The following PARD3B variants were observed in gnomAD, a reference collection of about 807,000 sequenced individuals.
PARD3B encodes par-3 family cell polarity regulator beta.
PARD3B carries 103 observed loss-of-function variants against 130.2 expected under a neutral mutation model. The observed-to-expected ratio is 0.79, with a 90% CI of 0.67 to 0.93. The LOEUF (loss-of-function observed/expected upper bound fraction) is 0.93, where lower values mean the gene tolerates loss of function less well. PARD3B is among the 40% of genes least tolerant of loss of function. The probability of loss-of-function intolerance (pLI) is 0.00; values close to 1 mark genes in which losing one functional copy is unlikely to be tolerated. For synonymous variants in PARD3B, 583 were observed against 553.2 expected (o/e 1.05, Z -0.76); for missense variants, 1,609 against 1,499.2 (o/e 1.07, Z -1.21).
rs1272786171 is a variant in PARD3B, at chr2:205,325,356, CT to C, written c.2630+23656del. ...CAATGCCTTGGGCTTTTCATATTCC[CT>C]GTGACTACAATGCCCTTTCCCCATC... On this transcript the variant is annotated intron_variant, in intron 18 of 22. Coordinates refer to ENST00000406610, the MANE Select transcript of PARD3B (RefSeq NM_001302769.2). This position sits in a 1 kb window ranked among gnomAD's most constrained non-coding sequence, Gnocchi z 4.1. 6.6e-6 allele frequency among the ~76,000 whole-genome samples: 1 copy of C among 152,162 alleles called. No homozygotes were observed. Among genetic ancestry groups the C allele is most frequent in the East Asian group, 1.9e-4 (1 of 5,198 alleles).
At chr2:204,790,052 A>G (rs1010696810) in intron 2 of PARD3B, among the ~76,000 whole-genome samples, 1 of 151,932 alleles carries the variant, frequency 6.6e-6, no homozygotes, top group Non-Finnish European at 1.5e-5. Flanking sequence ...TTGTATTTTT[A>G]GTAGAGACAG....
chr2:204,818,107 C>T (rs1003324256), intron 2 of PARD3B, among the ~76,000 whole-genome samples: 1 of 152,100 alleles, frequency 6.6e-6, no homozygotes, highest in Non-Finnish European at 1.5e-5. Context: ...ATAGTTCCAC[C>T]AGACAGACAG....
At chr2:204,834,961 G>C (rs1011458594) in intron 2 of PARD3B, among the ~76,000 whole-genome samples, 1 of 152,208 alleles carries the variant, frequency 6.6e-6, no homozygotes, top group Non-Finnish European at 1.5e-5. Context: ...CTGGATTTGA[G>C]TCCTAGTGTC....
intron 18 of PARD3B, among the ~76,000 whole-genome samples, chr2:205,322,568 G>A (rs991023951): frequency 9.9e-5 from 15 of 152,170 alleles, no homozygotes; most frequent in African/African-American, 3.6e-4. Context: ...TCAATGTGAT[G>A]ATAACAACAC....
At chr2:204,568,013 A>G (rs974665751) in intron 1 of PARD3B, among the ~76,000 whole-genome samples, 1 of 152,236 alleles carries the variant, frequency 6.6e-6, no homozygotes, top group Non-Finnish European at 1.5e-5. Context: ...TCATACAACT[A>G]AAATATTTAG....
intron 21 of PARD3B, among the ~76,000 whole-genome samples, chr2:205,542,086 T>C (rs1427874579): frequency 1.6e-5 from 2 of 125,094 alleles, no homozygotes; most frequent in African/African-American, 3.2e-5. Context: ...GAGGTTGCAG[T>C]AAGCTGAGAT....
rs1005342728 is a variant in PARD3B at position 205,187,261 on chromosome 2, A to G, written c.2024+1398A>G. 6.6e-6 allele frequency among the ~76,000 whole-genome samples: 1 copy of G among 152,214 alleles called. No individual in the cohort carries two copies. The highest frequency in any genetic ancestry group is 1.5e-5 in the Non-Finnish European group (1 of 68,030). Reference sequence around the variant, plus strand: ...CATTTCGGGAGGGAAGAGCAGCAGAAGAAACAGCATAGAGACGGGAGAGTA... The same window carrying G: ...CATTTCGGGAGGGAAGAGCAGCAGAGGAAACAGCATAGAGACGGGAGAGTA... On this transcript the variant is annotated intron_variant, in intron 14 of 22. Transcript: ENST00000406610. This position sits in a 1 kb window ranked among gnomAD's most constrained non-coding sequence, Gnocchi z 4.9.
In PARD3B at chr2:204,943,013, TCCCC is replaced by T. The variant is rs1689032171; in HGVS notation, c.223-22137_223-22134del. Among the ~76,000 whole-genome samples the T allele has an allele frequency of 6.6e-6, 1 of 151,018 alleles. No individual in the cohort carries two copies. The highest frequency in any genetic ancestry group is 1.5e-5 in the Non-Finnish European group (1 of 67,958). On this transcript the variant is annotated intron_variant, in intron 2 of 22. Transcript: ENST00000406610. This position sits in a 1 kb window ranked among gnomAD's most constrained non-coding sequence, Gnocchi z 4.2. ...TACCTCCAGAACCAGGCTGCACATG[TCCCC>T]CTGAAAAATAAAAATTAAAAAAGAA...
At chr2:205,278,969 GC>G (rs533417407) in intron 16 of PARD3B, among the ~76,000 whole-genome samples, 15 of 148,372 alleles carry the variant, frequency 1.0e-4, no homozygotes, top group African/African-American at 2.7e-4. Context: ...TACTCGGGAG[GC>G]TGAGGCGAAA....
Position 204,943,316 on chromosome 2 carries a change from A to C in PARD3B, c.223-21836A>C, listed in dbSNP as rs551639424. On this transcript the variant is annotated intron_variant, in intron 2 of 22. Coordinates refer to ENST00000406610, the MANE Select transcript of PARD3B (RefSeq NM_001302769.2). The surrounding 1 kb of genome is among the most constrained non-coding windows in gnomAD (Gnocchi z 4.2). ...TGGAAAGATCGCATAGGTCACGAGG[A>C]TCTTCCTATGACCTATGATGAGAAA... Among the ~76,000 whole-genome samples, 13 of 152,190 alleles carry C rather than the reference A, an allele frequency of 8.5e-5. No individual in the cohort carries two copies. The South Asian group carries it at 2.7e-3, about 32-fold the overall frequency.
chr2:204,594,357 C>G (rs2033199059), intron 1 of PARD3B, among the ~76,000 whole-genome samples: 1 of 152,132 alleles, frequency 6.6e-6, no homozygotes, highest in Non-Finnish European at 1.5e-5. Flanking sequence ...TACTTTCTCA[C>G]AATAATAGCA....
In PARD3B at chr2:204,954,573, A is replaced by G. The variant is rs184785275; in HGVS notation, c.223-10579A>G. Among the ~76,000 whole-genome samples, 3 of 152,300 alleles carry G rather than the reference A, an allele frequency of 2.0e-5. No individual in the cohort carries two copies. The East Asian group carries it at 5.8e-4, about 29-fold the overall frequency. ...TTTTCAGGGGATTGTGACCTTCTCC[A>G]TATTTGCAGTCCACTCGCTACCTTA... On this transcript the variant is annotated intron_variant, in intron 2 of 22. Transcript: ENST00000406610.
In PARD3B at chr2:205,121,653, C is replaced by T; in HGVS notation, c.869C>T (p.Pro290Leu). ...AGTGTGCTCCTCCACGTGCTTCCTC[C>T]ACAAAACCGTGAACAGTATGAAAAG... Reference protein sequence around the residue: ...SPSVLLHVLPPQNREQYEKSV... With the variant: ...SPSVLLHVLPLQNREQYEKSV... Residue 290 changes from proline to leucine, a missense_variant, in exon 8 of 23, where the codon CCA becomes CTA. Transcript: ENST00000406610. This position sits in a 1 kb window ranked among gnomAD's most constrained non-coding sequence, Gnocchi z 5.0. The T allele has an allele frequency of 6.2e-7, 1 of 1,614,160 alleles. No homozygotes were observed. The highest frequency in any genetic ancestry group is 2.2e-5 in the East Asian group (1 of 44,876).
intron 1 of PARD3B, among the ~76,000 whole-genome samples, chr2:204,656,231 G>T (rs1053938332): frequency 1.3e-4 from 20 of 152,142 alleles, no homozygotes; most frequent in African/African-American, 4.8e-4. Context: ...TAGATACATG[G>T]TGGGAAATAA....
rs551808071 is a variant in PARD3B at position 204,906,754 on chromosome 2, G to A, written c.223-58398G>A. On this transcript the variant is annotated intron_variant, in intron 2 of 22. Coordinates refer to ENST00000406610, the MANE Select transcript of PARD3B (RefSeq NM_001302769.2). The surrounding 1 kb of genome is among the most constrained non-coding windows in gnomAD (Gnocchi z 4.3). ...ACTTTCTTTGTAATGTGGTCACCAG[G>A]TTGTGTTTTTTTCAGGCTTAATTTT... Among the ~76,000 whole-genome samples the A allele has an allele frequency of 2.0e-5, 3 of 152,112 alleles. No individual in the cohort carries two copies. The highest frequency in any genetic ancestry group is 7.2e-5 in the African/African-American group (3 of 41,414).
chr2:204,780,972 A>G (rs891521635), intron 2 of PARD3B, among the ~76,000 whole-genome samples: 2 of 152,138 alleles, frequency 1.3e-5, no homozygotes, highest in Non-Finnish European at 2.9e-5. Flanking sequence ...TGGAAAATGG[A>G]AATCTGTCAT....
intron 20 of PARD3B, among the ~76,000 whole-genome samples, chr2:205,475,177 A>C (rs2048983798): frequency 6.6e-6 from 1 of 152,114 alleles, no homozygotes; most frequent in Non-Finnish European, 1.5e-5. Flanking sequence ...CTAATAGAAT[A>C]GCGTCCCTTT....
chr2:205,246,979 C>T (rs149799750), intron 16 of PARD3B, among the ~76,000 whole-genome samples: 1 of 152,310 alleles, frequency 6.6e-6, no homozygotes, highest in African/African-American at 2.4e-5. Context: ...TTTTTAGGAG[C>T]TTCAGAAGGA....
Position 204,610,724 on chromosome 2 carries a change from T to G in PARD3B, c.120+64605T>G, listed in dbSNP as rs182678988. ...TCAGGACAGGTGCCTCTTCTCTCTCTAGATAGAAGGAGAAACATCATCTCC... is the reference window on the plus strand; with the variant it reads ...TCAGGACAGGTGCCTCTTCTCTCTCGAGATAGAAGGAGAAACATCATCTCC... On this transcript the variant is annotated intron_variant, in intron 1 of 22. Coordinates refer to ENST00000406610, the MANE Select transcript of PARD3B (RefSeq NM_001302769.2). The surrounding 1 kb of genome is among the most constrained non-coding windows in gnomAD (Gnocchi z 4.1). Among the ~76,000 whole-genome samples, 206 of 152,304 alleles carry G rather than the reference T, an allele frequency of 1.4e-3. No individual in the cohort carries two copies. Among genetic ancestry groups the G allele is most frequent in the Non-Finnish European group, 1.8e-3 (121 of 68,016 alleles).
Sources: allele counts gnomAD v4.1 joint callset (sites outside exome capture counted in the v4.1 genomes callset), GRCh38; gene constraint gnomAD v4.1.1; non-coding constraint Gnocchi (gnomAD v3.1); transcripts MANE v1.5; gene names NCBI Gene and HGNC (gene_info 2026-07-23, HGNC 2026-07-21).